Variants in FLT1 observed in about 807,000 individuals in gnomAD.
FLT1 encodes the protein fms related receptor tyrosine kinase 1.
A neutral mutation model predicts 156.3 loss-of-function variants in FLT1; 49 were observed. That is an observed-to-expected ratio of 0.31 (90% confidence interval 0.25 to 0.40). The LOEUF (loss-of-function observed/expected upper bound fraction) is 0.40, where lower values mean the gene tolerates loss of function less well. Ranked by LOEUF, FLT1 falls within the 10% of genes least tolerant of loss-of-function variation. The probability of loss-of-function intolerance (pLI) is 1.00; values close to 1 mark genes in which losing one functional copy is unlikely to be tolerated. For synonymous variants in FLT1, 594 were observed against 583.8 expected (o/e 1.02, Z -0.25); for missense variants, 1,322 against 1,637.2 (o/e 0.81, Z 3.32).
At chr13:28,385,054 T>C in intron 13 of FLT1, 23 bp from the exon 14 acceptor site, 1 of 1,613,434 alleles carries the variant, frequency 6.2e-7, no homozygotes, top group Non-Finnish European at 8.5e-7. Context: ...GAAAGGGAGC[T>C]GTGATTACTC....
intron 3 of FLT1, among the ~76,000 whole-genome samples, chr13:28,453,663 G>A (rs968949582): frequency 3.9e-5 from 6 of 152,148 alleles, no homozygotes; most frequent in Non-Finnish European, 8.8e-5. Context: ...TTTTGGGATC[G>A]TGATTTAGTC....
At chr13:28,454,870 G>C (rs75249425) in intron 3 of FLT1, among the ~76,000 whole-genome samples, 1 of 151,992 alleles carries the variant, frequency 6.6e-6, no homozygotes, top group Admixed American at 6.6e-5. Flanking sequence ...AACTAGTAGA[G>C]TTGAAATGAA....
At position 28,494,821 on chromosome 13, in the gene FLT1, C is replaced by A; in HGVS notation, c.23G>T (p.Gly8Val). 6.4e-7 allele frequency: 1 copy of A among 1,573,340 alleles called. No homozygotes were observed. Among genetic ancestry groups the A allele is most frequent in the African/African-American group, 1.4e-5 (1 of 73,280 alleles). ...GCTGAGCAGCGCGCACAGCAGGACCCCGGTGTCCCAGTAGCTGACCATGGT... is the reference window on the plus strand; with the variant it reads ...GCTGAGCAGCGCGCACAGCAGGACCACGGTGTCCCAGTAGCTGACCATGGT... MVSYWDT[G>V]VLLCALLSCL... The change falls in exon 1 of 30, where the codon GGG (glycine) becomes GTG (valine). Residue 8 changes from glycine (G) to valine (V), a missense_variant. Gly to Val is a moderately radical substitution (Grantham distance 109). Around this residue, in one of 3 missense-constraint regions of FLT1, gnomAD observed 991 missense variants for 1,254.8 expected, o/e 0.79. Transcript: ENST00000282397.
intron 11 of FLT1, among the ~76,000 whole-genome samples, chr13:28,402,513 A>T (rs1566005986): frequency 6.6e-6 from 1 of 152,120 alleles, no homozygotes; most frequent in East Asian, 1.9e-4. Context: ...TTTAAAGTCT[A>T]ATATATTACA....
At chr13:28,468,949 GC>G (rs1880002008) in intron 1 of FLT1, among the ~76,000 whole-genome samples, 1 of 152,138 alleles carries the variant, frequency 6.6e-6, no homozygotes, top group Non-Finnish European at 1.5e-5. Context: ...CAGAGGCTGA[GC>G]CTCCCTTGAA....
Position 28,430,055 on chromosome 13 carries a change from A to C in FLT1, c.1101T>G (p.Val367=). Residue 367 remains valine (V), a synonymous_variant, in exon 8 of 30, where the codon GTT becomes GTG. Transcript: ENST00000282397. ...GGAAATAAGGATGGTCCTACCATACAACTTCCGGCGAGGGAAATGCCTTCA... is the reference window on the plus strand; with the variant it reads ...GGAAATAAGGATGGTCCTACCATACCACTTCCGGCGAGGGAAATGCCTTCA... ...MKVKAFPSPE[V]VWLKDGLPAT... 1 of 1,605,818 alleles carries C rather than the reference A, an allele frequency of 6.2e-7. No individual in the cohort carries two copies. Among genetic ancestry groups the C allele is most frequent in the Non-Finnish European group, 8.5e-7 (1 of 1,172,440 alleles).
At chr13:28,384,741 A>G (rs1874250297) in intron 14 of FLT1, 144 bp downstream of exon 14, 1 of 788,472 alleles carries the variant, frequency 1.3e-6, no homozygotes. Context: ...GGACATTGCT[A>G]TCAGCATGAA....
intron 20 of FLT1, 118 bp downstream of exon 20, chr13:28,327,344 T>C (rs995719560): frequency 5.6e-6 from 4 of 713,982 alleles, no homozygotes; most frequent in Admixed American, 4.1e-5. Context: ...GAAGCAGAGA[T>C]TGAGTTTTAA....
intron 10 of FLT1, among the ~76,000 whole-genome samples, chr13:28,408,755 C>T (rs1287314136): frequency 1.3e-5 from 2 of 152,158 alleles, no homozygotes; most frequent in African/African-American, 4.8e-5. Flanking sequence ...TGGACAAGGC[C>T]ACTGTTATCA....
At chr13:28,374,376 C>T (rs1340482696) in intron 14 of FLT1, among the ~76,000 whole-genome samples, 1 of 152,004 alleles carries the variant, frequency 6.6e-6, no homozygotes, top group African/African-American at 2.4e-5. Flanking sequence ...GATCATGTCA[C>T]TGCACTCCAG....
chr13:28,376,247 A>T (rs541295369), intron 14 of FLT1, among the ~76,000 whole-genome samples: 1 of 152,148 alleles, frequency 6.6e-6, no homozygotes, highest in Non-Finnish European at 1.5e-5. Flanking sequence ...AGTCCTAGTG[A>T]TCAAGAAGAT....
chr13:28,390,791 C>T (rs557636939), intron 12 of FLT1, among the ~76,000 whole-genome samples: 1 of 152,324 alleles, frequency 6.6e-6, no homozygotes, highest in South Asian at 2.1e-4. Flanking sequence ...AGCAATTCAT[C>T]CTAAAAACCA....
intron 16 of FLT1, among the ~76,000 whole-genome samples, chr13:28,344,715 C>G (rs1163633636): frequency 1.3e-5 from 2 of 149,462 alleles, no homozygotes; most frequent in Admixed American, 6.7e-5. Flanking sequence ...TGTGGTGTGA[C>G]TCAGAAAGTA....
chr13:28,430,311 G>A (rs1037168193), intron 7 of FLT1, 144 bp from the exon 8 acceptor site: 13 of 684,232 alleles, frequency 1.9e-5, no homozygotes, highest in Non-Finnish European at 3.4e-5. Flanking sequence ...CCCAAATGTT[G>A]ATCATGAATA....
chr13:28,386,059 C>T (rs780451242), intron 13 of FLT1: 23 of 1,053,624 alleles, frequency 2.2e-5, no homozygotes, highest in African/African-American at 8.3e-5. Context: ...ATAACTGACA[C>T]GTTCTCTGTC....
chr13:28,389,674 G>T, intron 13 of FLT1, 122 bp downstream of exon 13: 3 of 1,553,578 alleles, frequency 1.9e-6, no homozygotes, highest in Non-Finnish European at 2.6e-6. Flanking sequence ...GATGATATGA[G>T]ACAACTGTTA....
At chr13:28,429,794 AAGTT>A (rs547041277) in intron 8 of FLT1, among the ~76,000 whole-genome samples, 330 of 152,278 alleles carry the variant, frequency 2.2e-3, no homozygotes, top group African/African-American at 7.6e-3. Flanking sequence ...GAGATGCAGA[AAGTT>A]AGCCACAGTA....
At chr13:28,448,169 G>A (rs1359683094) in intron 3 of FLT1, among the ~76,000 whole-genome samples, 7 of 152,332 alleles carry the variant, frequency 4.6e-5, no homozygotes, top group African/African-American at 9.6e-5. Context: ...GGAATGTGAA[G>A]TAGTGCACCC....
intron 14 of FLT1, chr13:28,368,447 C>G: frequency 6.8e-7 from 1 of 1,463,216 alleles, no homozygotes; most frequent in Non-Finnish European, 9.0e-7. Flanking sequence ...CCACCATGCC[C>G]GGCCATTTGT....
Sources: gnomAD v4.1 joint callset for allele counts (sites outside exome capture counted in the v4.1 genomes callset) on GRCh38, gnomAD v4.1.1 for gene constraint, gnomAD v4.1.1 regional missense constraint, MANE v1.5 for transcripts, NCBI Gene and HGNC (gene_info 2026-07-23, HGNC 2026-07-21) for gene names.